The following SUGP1 variants were observed in gnomAD, a reference collection of about 807,000 sequenced individuals.
SUGP1 encodes SURP and G-patch domain containing 1, also known as SURP and G-patch domain-containing protein 1.
Under a neutral mutation model 76.5 loss-of-function variants are expected in SUGP1, and 34 were observed. That is an observed-to-expected ratio of 0.44 (90% CI 0.34 to 0.59). The LOEUF (loss-of-function observed/expected upper bound fraction) is 0.59. Among genes scored for constraint, SUGP1 ranks in the 20% least tolerant of loss-of-function variants. The pLI is 0.01. For synonymous variants in SUGP1, 326 were observed against 326.2 expected (o/e 1.00, Z 0.01); for missense variants, 752 against 851.7 (o/e 0.88, Z 1.46).
chr19:19,280,299 C>A lies in SUGP1; in HGVS notation c.1244-8G>T. 6.2e-7 allele frequency: 1 copy of A among 1,613,174 alleles called. No homozygotes were observed. The highest frequency in any genetic ancestry group is 1.1e-5 in the South Asian group (1 of 91,072). On this transcript the variant is annotated splice_region_variant and splice_polypyrimidine_tract_variant and intron_variant, in intron 8 of 13. Transcript: ENST00000247001. ...GCCCCTTGAGGTCCTGAACTGGAAA[C>A]CAAAGACACAGGGTAGTCAGAGCCT...
chr19:19,286,474 A>G (rs926322612), intron 8 of SUGP1, among the ~76,000 whole-genome samples: 2 of 152,234 alleles, frequency 1.3e-5, no homozygotes, highest in Non-Finnish European at 2.9e-5. Context: ...TCAGATGTGC[A>G]TGACTTCATG....
intron 2 of SUGP1, chr19:19,316,103 G>C (rs1280453573): frequency 4.1e-6 from 1 of 246,250 alleles, no homozygotes; most frequent in Non-Finnish European, 7.7e-6. Context: ...AAAGGGCTGA[G>C]ATTACAGGTG....
intron 8 of SUGP1, among the ~76,000 whole-genome samples, chr19:19,290,220 G>A (rs1335944835): frequency 6.6e-6 from 1 of 152,134 alleles, no homozygotes; most frequent in Non-Finnish European, 1.5e-5. Flanking sequence ...AAGTGATGGA[G>A]GAAGGCTGAA....
At chr19:19,316,287 T>A in intron 2 of SUGP1, 135 bp downstream of exon 2, 5 of 1,138,586 alleles carry the variant, frequency 4.4e-6, no homozygotes, top group Non-Finnish European at 6.1e-6. Context: ...CCCAAGGGCA[T>A]CTGGGTCATT....
At position 19,316,582 on chromosome 19, in the gene SUGP1, G is replaced by C; in HGVS notation, c.46C>G (p.Arg16Gly). The C allele has an allele frequency of 6.2e-7, 1 of 1,613,776 alleles. No homozygotes were observed. The highest frequency in any genetic ancestry group is 1.1e-5 in the South Asian group (1 of 91,054). The change falls in exon 2 of 14, where the codon CGG (arginine) becomes GGG (glycine). Residue 16 changes from arginine (R) to glycine (G), a missense_variant. Arg to Gly is a moderately radical substitution (Grantham distance 125). Coordinates refer to ENST00000247001, the MANE Select transcript of SUGP1 (RefSeq NM_172231.4). ...TTAGGGGGAGCAACCCCAAACCACC[G>C]GTTAGCCTTTCCTGGGGAGGGAAAA... ...DNRDVAGKAN[R>G]WFGVAPPKSG... is the part of the protein sequence containing the mutation.
At chr19:19,293,259 A>T (rs754110686) in intron 8 of SUGP1, among the ~76,000 whole-genome samples, 4 of 152,042 alleles carry the variant, frequency 2.6e-5, no homozygotes, top group Admixed American at 2.6e-4. Context: ...AAACATTTTC[A>T]TGATAAAAAC....
chr19:19,311,658 C>G (rs1407247324), intron 2 of SUGP1, among the ~76,000 whole-genome samples: 1 of 142,438 alleles, frequency 7.0e-6, no homozygotes, highest in East Asian at 2.0e-4. Context: ...ACCAAGGAGG[C>G]AGAGCTTGCA....
intron 8 of SUGP1, among the ~76,000 whole-genome samples, chr19:19,288,814 CT>C (rs1174508355): frequency 6.6e-6 from 1 of 151,788 alleles, no homozygotes; most frequent in Non-Finnish European, 1.5e-5. Flanking sequence ...GAGACGGAGT[CT>C]TGCTCTGTTA....
chr19:19,303,115 T>A (rs562424690), intron 6 of SUGP1, among the ~76,000 whole-genome samples: 2 of 152,252 alleles, frequency 1.3e-5, no homozygotes, highest in South Asian at 2.1e-4. Context: ...TGAGCTCCCG[T>A]CTACCCCACA....
At chr19:19,280,383 A>C in intron 8 of SUGP1, 92 bp from the exon 9 acceptor site, 1 of 1,121,204 alleles carries the variant, frequency 8.9e-7, no homozygotes, top group Non-Finnish European at 1.3e-6. Flanking sequence ...TCACACCTTC[A>C]TGACACTCCA....
intron 1 of SUGP1, among the ~76,000 whole-genome samples, chr19:19,316,873 C>T (rs1482057745): frequency 2.6e-5 from 4 of 152,176 alleles, no homozygotes; most frequent in African/African-American, 9.7e-5. Flanking sequence ...TGCAGAGGCT[C>T]ATGCCTGCAA....
At chr19:19,310,976 C>T (rs1040459040) in intron 2 of SUGP1, among the ~76,000 whole-genome samples, 6 of 152,072 alleles carry the variant, frequency 3.9e-5, no homozygotes, top group Non-Finnish European at 7.4e-5. Flanking sequence ...TGCTCTGCTG[C>T]CCTGGCTAAA....
At chr19:19,299,176 C>T (rs948971059) in intron 7 of SUGP1, among the ~76,000 whole-genome samples, 1 of 152,190 alleles carries the variant, frequency 6.6e-6, no homozygotes, top group Admixed American at 6.6e-5. Context: ...AAATTTCTGC[C>T]TCAAGCTGAT....
Position 19,310,831 on chromosome 19 carries a change from T to G in SUGP1, c.207-631A>C, listed in dbSNP as rs1449335559. On this transcript the variant is annotated intron_variant, in intron 2 of 13. Transcript: ENST00000247001. ...GCTAATTTTTGTATTTTTGTAGAGA[T>G]GGGGTTTCGCTATGTTGGCTGGGCT... Among the ~76,000 whole-genome samples, 3 of 152,080 alleles carry G rather than the reference T, an allele frequency of 2.0e-5. No homozygotes were observed. The South Asian group carries it at 6.2e-4, about 32-fold the overall frequency.
intron 7 of SUGP1, among the ~76,000 whole-genome samples, chr19:19,300,229 C>A (rs1431386831): frequency 6.6e-6 from 1 of 151,974 alleles, no homozygotes. Flanking sequence ...GCACATGACA[C>A]CATGCCCAGT....
At chr19:19,301,954 G>A (rs1472007682) in intron 7 of SUGP1, 35 of 369,662 alleles carry the variant, frequency 9.5e-5, no homozygotes, top group Non-Finnish European at 8.9e-5. Flanking sequence ...CTTGCCCCCG[G>A]CCAAGGGCTG....
chr19:19,278,705 G>C lies in SUGP1; in HGVS notation c.1620C>G (p.Thr540=). Residue 540 remains threonine, a synonymous_variant, in exon 11 of 14, where the codon ACC becomes ACG. Transcript: ENST00000247001. ...PPDELEKFME[T]FKALKEGREP... ...CCTGGCTCACCTTCAGGGCCTTGAA[G>C]GTCTCCATAAACTTTTCCAGCTCGT... 1 of 1,613,350 alleles carries C rather than the reference G, an allele frequency of 6.2e-7. No individual in the cohort carries two copies.
intron 5 of SUGP1, 106 bp from the exon 6 acceptor site, chr19:19,303,554 C>A: frequency 7.4e-7 from 1 of 1,352,706 alleles, no homozygotes; most frequent in Non-Finnish European, 1.1e-6. Context: ...CGAGCAGGGA[C>A]CCGAAAGCAA....
chr19:19,277,455 C>G (rs1403710372), intron 12 of SUGP1, among the ~76,000 whole-genome samples: 1 of 152,156 alleles, frequency 6.6e-6, no homozygotes, highest in Admixed American at 6.5e-5. Context: ...AGGCCCTTCA[C>G]AAGGCAGACA....
Sources: gnomAD v4.1 joint callset for allele counts (sites outside exome capture counted in the v4.1 genomes callset) on GRCh38, gnomAD v4.1.1 for gene constraint, MANE v1.5 for transcripts, NCBI Gene and HGNC (gene_info 2026-07-23, HGNC 2026-07-21) for gene names.